ROBO2: variants seen among roughly 807,000 people sequenced by gnomAD.
The protein encoded by ROBO2 is roundabout homolog 2.
ROBO2 carries 53 observed loss-of-function variants against 160.8 expected under a neutral mutation model. The observed-to-expected ratio is 0.33, with a 90% CI of 0.26 to 0.41. The LOEUF (loss-of-function observed/expected upper bound fraction) is 0.41, where lower values mean the gene tolerates loss of function less well. ROBO2 is among the 10% of genes least tolerant of loss of function. ROBO2 has a pLI of 1.00. For missense variants in ROBO2, 1,577 were observed against 1,722.4 expected, an observed-to-expected ratio of 0.92 and a Z score of 1.49; for synonymous variants, 664 against 611.7, an observed-to-expected ratio of 1.09 and a Z score of -1.26.
intron 2 of ROBO2, among the ~76,000 whole-genome samples, chr3:77,385,131 A>C (rs2073965597): frequency 6.6e-6 from 1 of 152,108 alleles, no homozygotes. Context: ...CGGAGTTCAA[A>C]TAATTGTCCT....
chr3:76,030,525 T>C (rs531209450), intron 2 of ROBO2, among the ~76,000 whole-genome samples: 34 of 152,206 alleles, frequency 2.2e-4, no homozygotes, highest in Admixed American at 9.8e-4. Context: ...CTTTAATCCA[T>C]GTTGAATTAG....
chr3:76,720,465 T>A (rs2093447513), intron 2 of ROBO2, among the ~76,000 whole-genome samples: 2 of 152,118 alleles, frequency 1.3e-5, no homozygotes, highest in South Asian at 4.1e-4. Context: ...ATATGAGAAA[T>A]CTGGACTTTC....
chr3:76,357,261 G>A (rs951278615), intron 2 of ROBO2, among the ~76,000 whole-genome samples: 6 of 151,950 alleles, frequency 3.9e-5, no homozygotes, highest in Non-Finnish European at 8.8e-5. Flanking sequence ...AATACTGCAT[G>A]TTCTCACCTA....
At chr3:76,776,631 T>C (rs1055248191) in intron 2 of ROBO2, among the ~76,000 whole-genome samples, 1 of 151,046 alleles carries the variant, frequency 6.6e-6, no homozygotes, top group South Asian at 2.1e-4. Flanking sequence ...ATAGTGATGA[T>C]GATGCTTTAC....
chr3:76,765,062 A>G (rs976825816), intron 2 of ROBO2, among the ~76,000 whole-genome samples: 22 of 151,400 alleles, frequency 1.5e-4, no homozygotes, highest in Non-Finnish European at 1.5e-5. Context: ...TCCCTCTCCG[A>G]CCCTTCCACC....
At chr3:75,999,906 T>C (rs2065834771) in intron 2 of ROBO2, among the ~76,000 whole-genome samples, 1 of 152,364 alleles carries the variant, frequency 6.6e-6, no homozygotes, top group East Asian at 1.9e-4. Flanking sequence ...TACTGCAAAT[T>C]ATTTTTCAAT....
intron 5 of ROBO2, among the ~76,000 whole-genome samples, chr3:77,516,817 T>C (rs2090068170): frequency 6.6e-6 from 1 of 151,684 alleles, no homozygotes; most frequent in African/African-American, 2.4e-5. Context: ...AATATCTTGT[T>C]ATATTTCAAA....
chr3:76,835,309 A>G (rs1001181452), intron 2 of ROBO2, among the ~76,000 whole-genome samples: 2 of 150,530 alleles, frequency 1.3e-5, no homozygotes, highest in East Asian at 3.9e-4. Flanking sequence ...GACACATACA[A>G]TGTGTTATTT....
chr3:76,802,552 C>A lies in ROBO2; in HGVS notation c.110-295462C>A, dbSNP rs146732928. On this transcript the variant is annotated intron_variant, in intron 2 of 26. Coordinates refer to the ROBO2 transcript ENST00000487694. ...GACCATCCTGGCTAACACGGTGAAACCCCGTCTCTACTAAAAATACAGAAA... is the reference window on the plus strand; with the variant it reads ...GACCATCCTGGCTAACACGGTGAAAACCCGTCTCTACTAAAAATACAGAAA... 3.6e-3 allele frequency among the ~76,000 whole-genome samples: 545 copies of A among 152,066 alleles called. 4 individuals are homozygous for A. Among genetic ancestry groups the A allele is most frequent in the African/African-American group, 0.013 (521 of 41,492 alleles).
chr3:77,603,156 T>G (rs1041048146), intron 20 of ROBO2: 2 of 437,468 alleles, frequency 4.6e-6, no homozygotes, highest in African/African-American at 2.0e-5. Flanking sequence ...CACAGCTCAC[T>G]GTCAGGCATT....
intron 2 of ROBO2, among the ~76,000 whole-genome samples, chr3:77,463,219 T>C (rs1391877662): frequency 6.6e-6 from 1 of 152,172 alleles, no homozygotes; most frequent in African/African-American, 2.4e-5. Flanking sequence ...AGAGGTAGTC[T>C]CAACAACTAG....
chr3:76,091,214 A>G (rs2069216970), intron 2 of ROBO2, among the ~76,000 whole-genome samples: 1 of 152,216 alleles, frequency 6.6e-6, no homozygotes, highest in African/African-American at 2.4e-5. Flanking sequence ...ACTGCTATCT[A>G]AAATACACAA....
intron 2 of ROBO2, among the ~76,000 whole-genome samples, chr3:76,272,873 AAT>A (rs1707595037): frequency 2.8e-5 from 2 of 72,240 alleles, no homozygotes; most frequent in South Asian, 3.4e-4. Flanking sequence ...TAAAATATAT[AAT>A]ATATATTTAT....
chr3:76,213,479 G>A (rs768594959), intron 2 of ROBO2, among the ~76,000 whole-genome samples: 7 of 152,156 alleles, frequency 4.6e-5, no homozygotes, highest in Non-Finnish European at 7.4e-5. Flanking sequence ...AGAAAAATGA[G>A]AATGGTTCCA....
At chr3:76,271,693 A>C (rs1707441431) in intron 2 of ROBO2, among the ~76,000 whole-genome samples, 1 of 151,706 alleles carries the variant, frequency 6.6e-6, no homozygotes, top group Non-Finnish European at 1.5e-5. Context: ...TGTATAGCAC[A>C]CTTTCACCCT....
intron 2 of ROBO2, among the ~76,000 whole-genome samples, chr3:76,126,981 A>T (rs1325066318): frequency 6.6e-5 from 10 of 152,168 alleles, no homozygotes; most frequent in Admixed American, 6.5e-4. Flanking sequence ...TTCCGTGTTT[A>T]CCTCCAGATA....
chr3:77,022,764 A>T (rs569419132), intron 2 of ROBO2, among the ~76,000 whole-genome samples: 49 of 152,324 alleles, frequency 3.2e-4, no homozygotes, highest in African/African-American at 1.2e-3. Context: ...ATGAGAATTA[A>T]CATTTTTTTC....
chr3:76,847,305 C>T (rs1205060511), intron 2 of ROBO2, among the ~76,000 whole-genome samples: 1 of 152,000 alleles, frequency 6.6e-6, no homozygotes, highest in Non-Finnish European at 1.5e-5. Flanking sequence ...TTTAATGAGG[C>T]CAGCTGGAAA....
At chr3:76,066,083 C>G (rs949673845) in intron 2 of ROBO2, among the ~76,000 whole-genome samples, 4 of 151,944 alleles carry the variant, frequency 2.6e-5, no homozygotes, top group Non-Finnish European at 4.4e-5. Flanking sequence ...TATCATGTAG[C>G]TTTTATACAA....
Sources: gnomAD v4.1 joint callset for allele counts (sites outside exome capture counted in the v4.1 genomes callset) on GRCh38, gnomAD v4.1.1 for gene constraint, MANE v1.5 for transcripts, NCBI Gene and HGNC (gene_info 2026-07-23, HGNC 2026-07-21) for gene names.